EXD2: variants seen among roughly 807,000 people sequenced by gnomAD.
EXD2 encodes the protein exonuclease 3'-5' domain containing 2, also known as exonuclease 3'-5' domain-containing protein 2.
A neutral mutation model predicts 62.5 loss-of-function variants in EXD2; 40 were observed. The observed-to-expected ratio is 0.64, with a 90% CI of 0.50 to 0.83. The LOEUF (loss-of-function observed/expected upper bound fraction) is 0.83. EXD2 is among the 40% of genes least tolerant of loss of function. EXD2 has a pLI of 0.00. For missense variants in EXD2, 671 were observed against 761.8 expected, an observed-to-expected ratio of 0.88 and a Z score of 1.40; for synonymous variants, 239 against 291.9, an observed-to-expected ratio of 0.82 and a Z score of 1.85.
chr14:69,231,722 G>GA (rs2043586140), intron 5 of EXD2, among the ~76,000 whole-genome samples: 1 of 151,904 alleles, frequency 6.6e-6, no homozygotes, highest in Admixed American at 6.6e-5. Flanking sequence ...CTCCTCCCAG[G>GA]ACGGAGTGCA....
At chr14:69,212,063 A>G (rs1032206900) in intron 3 of EXD2, among the ~76,000 whole-genome samples, 18 of 152,162 alleles carry the variant, frequency 1.2e-4, no homozygotes, top group African/African-American at 4.1e-4. Flanking sequence ...AAGATAGAAT[A>G]AATTTAAGAG....
At position 69,209,570 on chromosome 14, in the gene EXD2, A is replaced by T; in HGVS notation, c.100A>T (p.Ser34Cys). The T allele has an allele frequency of 6.4e-7, 1 of 1,550,586 alleles. No homozygotes were observed. The highest frequency in any genetic ancestry group is 2.4e-5 in the East Asian group (1 of 40,920). Residue 34 changes from serine (S) to cysteine (C), a missense_variant, in exon 3 of 10, where the codon AGT (serine) becomes TGT (cysteine). Coordinates refer to ENST00000685843, the MANE Select transcript of EXD2 (RefSeq NM_001193360.2). The part of the protein sequence containing the change: ...LWKGIQRRRR[S>C]KTSPVTQQPQ... ...GAAAGGCATCCAGCGCCGCCGAAGG[A>T]GTAAAACGAGTCCTGTGACCCAACA...
chr14:69,230,448 C>A, intron 4 of EXD2, 24 bp from the exon 5 acceptor site: 1 of 1,545,254 alleles, frequency 6.5e-7, no homozygotes, highest in Non-Finnish European at 8.8e-7. Flanking sequence ...GTTTTTGATG[C>A]ATGGTTTTCT....
At chr14:69,235,104 G>A in intron 6 of EXD2, 73 bp downstream of exon 6, 2 of 1,381,684 alleles carry the variant, frequency 1.4e-6, no homozygotes, top group Non-Finnish European at 1.9e-6. Flanking sequence ...GCTTCCCTGG[G>A]GTCTGGGGAG....
intron 1 of EXD2, among the ~76,000 whole-genome samples, chr14:69,202,854 G>A (rs1389405088): frequency 6.6e-6 from 1 of 152,118 alleles, no homozygotes; most frequent in Non-Finnish European, 1.5e-5. Context: ...TTTGATTTAA[G>A]TACAAAATAT....
Position 69,241,041 on chromosome 14 carries a change from C to T in EXD2, c.1807C>T (p.His603Tyr). 6.2e-7 allele frequency: 1 copy of T among 1,612,928 alleles called. No individual in the cohort carries two copies. Among genetic ancestry groups the T allele is most frequent in the Non-Finnish European group, 8.5e-7 (1 of 1,180,018 alleles). The part of the protein sequence containing the change: ...KHLPQQWSVD[H>Y]NHQKLLRKFG... ...CCTGCCCCAGCAGTGGTCAGTGGACCACAACCATCAGAAGCTGCTCCGGAA... is the reference window on the plus strand; with the variant it reads ...CCTGCCCCAGCAGTGGTCAGTGGACTACAACCATCAGAAGCTGCTCCGGAA... The change falls in exon 10 of 10, where the codon CAC (histidine) becomes TAC (tyrosine). Residue 603 changes from histidine (H) to tyrosine (Y), a missense_variant. Transcript: ENST00000685843.
intron 5 of EXD2, 56 bp from the exon 6 acceptor site, chr14:69,234,644 G>A: frequency 6.9e-7 from 1 of 1,452,978 alleles, no homozygotes; most frequent in Non-Finnish European, 9.3e-7. Context: ...TGACTTTGAA[G>A]TTTTTCTCTC....
At chr14:69,225,612 A>ATTAAATAATGCTAATAAGACCACTGGT in intron 3 of EXD2, among the ~76,000 whole-genome samples, 1 of 152,324 alleles carries the variant, frequency 6.6e-6, no homozygotes, top group South Asian at 2.1e-4. Context: ...AAAACCCTAG[A>ATTAAATAATGCTAATAAGACCACTGGT]TTAAATAATG....
At chr14:69,228,019 C>G (rs185424758) in intron 3 of EXD2, 51 of 152,024 alleles carry the variant, frequency 3.4e-4, no homozygotes, top group African/African-American at 1.1e-3. Context: ...TCAGGTACCA[C>G]TTATTTACAG....
chr14:69,230,412 G>A, intron 4 of EXD2, 60 bp from the exon 5 acceptor site: 1 of 1,206,754 alleles, frequency 8.3e-7, no homozygotes, highest in Non-Finnish European at 1.2e-6. Context: ...TGTCTTTTTT[G>A]ATTTTCTTGT....
chr14:69,225,930 C>T (rs1015325598), intron 3 of EXD2, among the ~76,000 whole-genome samples: 1 of 152,136 alleles, frequency 6.6e-6, no homozygotes, highest in Non-Finnish European at 1.5e-5. Flanking sequence ...ATCTTAAGCA[C>T]AATCCAGAAA....
At position 69,230,502 on chromosome 14, in the gene EXD2, G is replaced by A. The variant is rs199603815; in HGVS notation, c.621G>A (p.Leu207=). ...ATTTGCTCTGTAATGGGCTTAGCCTGAAGTCCCTCGCTGAGACTGTTTTGA... is the reference window on the plus strand; with the variant it reads ...ATTTGCTCTGTAATGGGCTTAGCCTAAAGTCCCTCGCTGAGACTGTTTTGA... The part of the protein sequence containing the change: ...RNNLLCNGLS[L]KSLAETVLNF... Residue 207 remains leucine (L), a synonymous_variant, in exon 5 of 10, where the codon CTG becomes CTA. Coordinates refer to ENST00000685843, the MANE Select transcript of EXD2 (RefSeq NM_001193360.2). 1.2e-6 allele frequency: 2 copies of A among 1,613,446 alleles called. No individual in the cohort carries two copies. The highest frequency in any genetic ancestry group is 1.7e-6 in the Non-Finnish European group (2 of 1,179,676).
Position 69,241,074 on chromosome 14 carries a change from G to C in EXD2, c.1840G>C (p.Glu614Gln), listed in dbSNP as rs1241907658. 8 of 1,612,546 alleles carry C rather than the reference G, an allele frequency of 5.0e-6. No homozygotes were observed. Among genetic ancestry groups the C allele is most frequent in the Non-Finnish European group, 6.8e-6 (8 of 1,180,026 alleles). The change falls in exon 10 of 10, where the codon GAA becomes CAA. Residue 614 changes from glutamate to glutamine, a missense_variant. Transcript: ENST00000685843. ...NHQKLLRKFG[E>Q]DLPIQLS ...TCAGAAGCTGCTCCGGAAATTCGGGGAAGATCTTCCCATCCAGCTGTCTTG... is the reference window on the plus strand; with the variant it reads ...TCAGAAGCTGCTCCGGAAATTCGGGCAAGATCTTCCCATCCAGCTGTCTTG...
chr14:69,226,530 T>A (rs1456690724), intron 3 of EXD2, among the ~76,000 whole-genome samples: 1 of 152,126 alleles, frequency 6.6e-6, no homozygotes, highest in Non-Finnish European at 1.5e-5. Context: ...GGCGGATCAT[T>A]TGAGGTCAGG....
chr14:69,242,145 C>G lies in EXD2; in HGVS notation c.*1045C>G. 2.5e-6 allele frequency: 1 copy of G among 398,204 alleles called. No homozygotes were observed. The highest frequency in any genetic ancestry group is 3.6e-5 in the East Asian group (1 of 28,062). The allele number at this position is 398,204 out of a possible 1,614,324, so 24.7% of individuals were successfully genotyped here. A position where few individuals can be genotyped will look rare whatever the true frequency, so the allele number is the denominator to read the frequency against. ...AAAAGAGGAGCGTTGTTTCATCTTT[C>G]AAAATGTTAGGCCATTACTTTGAGT... On this transcript the variant is annotated 3_prime_UTR_variant, in exon 10 of 10. Coordinates refer to ENST00000685843, the MANE Select transcript of EXD2 (RefSeq NM_001193360.2).
chr14:69,233,701 A>T (rs1419989233), intron 5 of EXD2, among the ~76,000 whole-genome samples: 2 of 151,622 alleles, frequency 1.3e-5, no homozygotes, highest in Non-Finnish European at 2.9e-5. Context: ...TCAGCCTCCC[A>T]AAGTGTTGGG....
Position 69,205,053 on chromosome 14 carries a change from C to T in EXD2, c.-48+1053C>T, listed in dbSNP as rs570135120. Among the ~76,000 whole-genome samples, 24 of 152,262 alleles carry T rather than the reference C, an allele frequency of 1.6e-4. No homozygotes were observed. In the South Asian group the frequency reaches 5.0e-3, roughly 32 times the overall value. On this transcript the variant is annotated intron_variant, in intron 2 of 9. Coordinates refer to ENST00000685843, the MANE Select transcript of EXD2 (RefSeq NM_001193360.2). ...CAAATAAGTAACTGCTATGAACATT[C>T]TTATATGAGTCTTTTTGTGAATAGA... is the stretch of plus-strand genomic sequence containing the variant.
At position 69,228,821 on chromosome 14, in the gene EXD2, T is replaced by C; in HGVS notation, c.339T>C (p.Asn113=). ...CTTGTCTTCCTCTGTTGCAGGTAAA[T>C]TTGGAAGGCAAAGCCAGCCCTCTGT... ...PVLGIDCEWV[N]LEGKASPLSL... is the part of the protein sequence containing the mutation. The change falls in exon 4 of 10, where the codon AAT becomes AAC. Residue 113 remains asparagine, a synonymous_variant. Coordinates refer to ENST00000685843, the MANE Select transcript of EXD2 (RefSeq NM_001193360.2). 1.2e-6 allele frequency: 2 copies of C among 1,611,930 alleles called. No individual in the cohort carries two copies. The highest frequency in any genetic ancestry group is 1.7e-6 in the Non-Finnish European group (2 of 1,179,028).
intron 3 of EXD2, among the ~76,000 whole-genome samples, chr14:69,214,500 T>C (rs1214651909): frequency 6.6e-6 from 1 of 152,214 alleles, no homozygotes; most frequent in Non-Finnish European, 1.5e-5. Context: ...GAGTCTTTTT[T>C]TAGACTTTTT....
Sources: allele counts gnomAD v4.1 joint callset (sites outside exome capture counted in the v4.1 genomes callset), GRCh38; gene constraint gnomAD v4.1.1; transcripts MANE v1.5; gene names NCBI Gene and HGNC (gene_info 2026-07-23, HGNC 2026-07-21).